Variants in ROBO1 observed in about 807,000 individuals in gnomAD.
ROBO1 encodes the protein roundabout homolog 1.
ROBO1 carries 149 observed loss-of-function variants against 195.9 expected under a neutral mutation model. The observed-to-expected ratio is 0.76, with a 90% CI of 0.67 to 0.87. The LOEUF (loss-of-function observed/expected upper bound fraction) is 0.87. Ranked by LOEUF, ROBO1 falls within the 40% of genes least tolerant of loss-of-function variation. The pLI, the probability that ROBO1 is intolerant of heterozygous loss-of-function variation, is 0.00. For synonymous variants in ROBO1, 816 were observed against 733.2 expected, an observed-to-expected ratio of 1.11 and a Z score of -1.82; for missense variants, 1,933 against 2,068.3, an observed-to-expected ratio of 0.93 and a Z score of 1.27.
At chr3:79,326,547 G>T (rs1046442539) in intron 2 of ROBO1, among the ~76,000 whole-genome samples, 2 of 152,126 alleles carry the variant, frequency 1.3e-5, no homozygotes, top group East Asian at 3.9e-4. Flanking sequence ...AGTTTTAAAC[G>T]TTTGAAAGGT....
chr3:79,453,034 G>A (rs980687801), intron 2 of ROBO1, among the ~76,000 whole-genome samples: 1 of 152,012 alleles, frequency 6.6e-6, no homozygotes, highest in Non-Finnish European at 1.5e-5. Context: ...ACATATTGAA[G>A]GGAAGAGGCT....
At chr3:78,887,193 C>A (rs2036618019) in intron 4 of ROBO1, among the ~76,000 whole-genome samples, 1 of 152,056 alleles carries the variant, frequency 6.6e-6, no homozygotes, top group Non-Finnish European at 1.5e-5. Flanking sequence ...GAGAAACATA[C>A]AATGTGGCAT....
chr3:79,037,415 T>C (rs1264158584), intron 3 of ROBO1, among the ~76,000 whole-genome samples: 1 of 152,172 alleles, frequency 6.6e-6, no homozygotes, highest in Admixed American at 6.5e-5. Flanking sequence ...ACACCATCAA[T>C]TAGTGGTAAC....
intron 1 of ROBO1, among the ~76,000 whole-genome samples, chr3:79,703,241 T>C (rs1445764344): frequency 6.6e-6 from 1 of 151,872 alleles, no homozygotes; most frequent in African/African-American, 2.4e-5. Flanking sequence ...AAATGTATTA[T>C]TTCTATCATA....
chr3:78,598,852 TG>T lies in ROBO1; in HGVS notation c.*60del. 1 of 1,179,888 alleles carries T rather than the reference TG, an allele frequency of 8.5e-7. No homozygotes were observed. Among genetic ancestry groups the T allele is most frequent in the Non-Finnish European group, 1.2e-6 (1 of 823,990 alleles). The allele number at this position is 1,179,888 out of a possible 1,614,324, so 73.1% of individuals were successfully genotyped here. ...ATTTTATCTGGCGTCATGTGTCATC[TG>T]ACAGGAGGCATCTTGAGTGATGATT... On this transcript the variant is annotated 3_prime_UTR_variant, in exon 31 of 31. Coordinates refer to ENST00000464233, the MANE Select transcript of ROBO1 (RefSeq NM_002941.4).
chr3:79,579,037 T>C (rs1169009669), intron 2 of ROBO1, among the ~76,000 whole-genome samples: 2 of 152,124 alleles, frequency 1.3e-5, no homozygotes, highest in Admixed American at 6.6e-5. Context: ...CAAAGACCCT[T>C]CCTTAAAAAA....
chr3:79,004,739 G>A (rs2077582239), intron 3 of ROBO1, among the ~76,000 whole-genome samples: 1 of 152,162 alleles, frequency 6.6e-6, no homozygotes, highest in African/African-American at 2.4e-5. Context: ...GAGTAAGAGT[G>A]TATTCGTGTG....
chr3:78,714,541 A>T lies in ROBO1; in HGVS notation c.918-17T>A. On this transcript the variant is annotated splice_polypyrimidine_tract_variant and intron_variant, in intron 7 of 30. Transcript: ENST00000464233. ...ATTTCATATCTAATGACATAACAAAAGAAAGCACAGTTAAGTGACTTTCTA... is the reference window on the plus strand; with the variant it reads ...ATTTCATATCTAATGACATAACAAATGAAAGCACAGTTAAGTGACTTTCTA... The T allele has an allele frequency of 6.2e-7, 1 of 1,604,890 alleles. No individual in the cohort carries two copies. Among genetic ancestry groups the T allele is most frequent in the Non-Finnish European group, 8.5e-7 (1 of 1,175,988 alleles).
chr3:78,624,083 CAA>C (rs1704613658), intron 26 of ROBO1, among the ~76,000 whole-genome samples: 1 of 152,010 alleles, frequency 6.6e-6, no homozygotes, highest in South Asian at 2.1e-4. Flanking sequence ...ACACTTTACA[CAA>C]GTGTCTAAAT....
intron 2 of ROBO1, among the ~76,000 whole-genome samples, chr3:79,246,196 C>T (rs921134687): frequency 6.6e-6 from 1 of 152,056 alleles, no homozygotes; most frequent in Non-Finnish European, 1.5e-5. Context: ...ATAACTAAAA[C>T]ATAACTTATG....
chr3:78,919,346 C>A (rs2038810734), intron 4 of ROBO1, among the ~76,000 whole-genome samples: 3 of 152,014 alleles, frequency 2.0e-5, no homozygotes, highest in African/African-American at 7.3e-5. Context: ...CTTTTTTTAA[C>A]ACTGAAAAAT....
chr3:79,651,233 G>A (rs1386455035), intron 1 of ROBO1, among the ~76,000 whole-genome samples: 1 of 152,004 alleles, frequency 6.6e-6, no homozygotes, highest in African/African-American at 2.4e-5. Flanking sequence ...ATCACAAGGA[G>A]GAGTTTGTAG....
intron 2 of ROBO1, among the ~76,000 whole-genome samples, chr3:79,452,018 T>C (rs2039457500): frequency 6.6e-6 from 1 of 152,124 alleles, no homozygotes; most frequent in Non-Finnish European, 1.5e-5. Flanking sequence ...ATGCAACTTT[T>C]TTTTATTTTA....
chr3:78,989,513 C>A (rs1272791419), intron 3 of ROBO1, among the ~76,000 whole-genome samples: 1 of 152,138 alleles, frequency 6.6e-6, no homozygotes, highest in Non-Finnish European at 1.5e-5. Context: ...ACTCAGGAGG[C>A]TGACGTGGGA....
At chr3:79,587,228 GA>G (rs201891910) in intron 2 of ROBO1, among the ~76,000 whole-genome samples, 53 of 147,472 alleles carry the variant, frequency 3.6e-4, no homozygotes, top group African/African-American at 1.0e-3. Flanking sequence ...AATGAAAAAT[GA>G]AAAAAAAAAT....
chr3:79,355,445 T>A (rs1212623520), intron 2 of ROBO1, among the ~76,000 whole-genome samples: 1 of 152,154 alleles, frequency 6.6e-6, no homozygotes, highest in Non-Finnish European at 1.5e-5. Flanking sequence ...TTCTAGCTAC[T>A]TGGAAATATA....
chr3:79,028,505 T>A (rs948495740), intron 3 of ROBO1, among the ~76,000 whole-genome samples: 1 of 151,952 alleles, frequency 6.6e-6, no homozygotes, highest in African/African-American at 2.4e-5. Flanking sequence ...TTATTTCTAA[T>A]CCTGTGAAGG....
At chr3:78,853,322 ACT>A (rs891949083) in intron 4 of ROBO1, among the ~76,000 whole-genome samples, 7 of 149,774 alleles carry the variant, frequency 4.7e-5, no homozygotes, top group South Asian at 2.2e-4. Flanking sequence ...ACACATACAC[ACT>A]CTCTATATTT....
At chr3:79,099,876 T>C (rs1240673810) in intron 3 of ROBO1, among the ~76,000 whole-genome samples, 1 of 151,672 alleles carries the variant, frequency 6.6e-6, no homozygotes, top group African/African-American at 2.4e-5. Context: ...GAGGAGGAAA[T>C]AACTCAGTCG....
Sources: gnomAD v4.1 joint callset for allele counts (sites outside exome capture counted in the v4.1 genomes callset) on GRCh38, gnomAD v4.1.1 for gene constraint, MANE v1.5 for transcripts, NCBI Gene and HGNC (gene_info 2026-07-23, HGNC 2026-07-21) for gene names.